GRHL3: variants seen among roughly 807,000 people sequenced by gnomAD.
The protein encoded by GRHL3 is grainyhead like transcription factor 3.
A neutral mutation model predicts 70.3 loss-of-function variants in GRHL3; 20 were observed. The ratio of observed to expected loss-of-function variants is 0.28; its 90% CI spans 0.20 to 0.41. The LOEUF is 0.41. GRHL3 is among the 10% of genes least tolerant of loss of function. The pLI is 1.00. For synonymous variants in GRHL3, 299 were observed against 299.9 expected (o/e 1.00, Z 0.03); for missense variants, 637 against 762.3 (o/e 0.84, Z 1.94).
rs376956450 is a variant in GRHL3 at position 24,360,938 on chromosome 1, G to A, written c.1695-3247G>A. 46 of 1,613,910 alleles carry A rather than the reference G, an allele frequency of 2.9e-5. No homozygotes were observed. The highest frequency in any genetic ancestry group is 1.3e-4 in the East Asian group (6 of 44,898). On this transcript the variant is annotated intron_variant, in intron 15 of 15. Transcript: ENST00000350501. ...GATGCACTAGAGATGAAATGCTTGCGGGGGCCTAAGTAGTCCACGATCTCA... is the reference window on the plus strand; with the variant it reads ...GATGCACTAGAGATGAAATGCTTGCAGGGGCCTAAGTAGTCCACGATCTCA...
At chr1:24,335,227 G>T (rs1210345464) in intron 3 of GRHL3, among the ~76,000 whole-genome samples, 1 of 152,172 alleles carries the variant, frequency 6.6e-6, no homozygotes, top group Admixed American at 6.5e-5. Context: ...ACCTGTGTTG[G>T]GGGAGGGAGA....
In GRHL3 at chr1:24,331,180, C is replaced by T. The variant is rs1052777695; in HGVS notation, c.18-246C>T. Among the ~76,000 whole-genome samples, 7 of 152,296 alleles carry T rather than the reference C, an allele frequency of 4.6e-5. No homozygotes were observed. In the South Asian group the frequency reaches 1.2e-3, roughly 27 times the overall value. On this transcript the variant is annotated intron_variant, in intron 1 of 15. Transcript: ENST00000361548. Reference sequence around the variant, plus strand: ...GTAGTCTTGAAGATCAGGATGATGGCCTTCATGCTGTGGAAGAGGGAACTA... The same window carrying T: ...GTAGTCTTGAAGATCAGGATGATGGTCTTCATGCTGTGGAAGAGGGAACTA...
intron 15 of GRHL3, among the ~76,000 whole-genome samples, chr1:24,361,330 G>C (rs1310982287): frequency 6.6e-6 from 1 of 152,206 alleles, no homozygotes; most frequent in Non-Finnish European, 1.5e-5. Flanking sequence ...CACACAGTGA[G>C]AGCTCAGTGT....
At chr1:24,352,378 C>G (rs1640548657) in intron 15 of GRHL3, among the ~76,000 whole-genome samples, 1 of 152,184 alleles carries the variant, frequency 6.6e-6, no homozygotes, top group Non-Finnish European at 1.5e-5. Flanking sequence ...ATTGTTTTTG[C>G]TGGCAGCTGG....
At chr1:24,330,956 T>C (rs1401085123) in intron 1 of GRHL3, among the ~76,000 whole-genome samples, 2 of 152,250 alleles carry the variant, frequency 1.3e-5, no homozygotes, top group Admixed American at 6.5e-5. Flanking sequence ...TAGACCACGC[T>C]TTCTCCCAGA....
chr1:24,363,578 A>G (rs1187399024), intron 15 of GRHL3, among the ~76,000 whole-genome samples: 1 of 152,242 alleles, frequency 6.6e-6, no homozygotes, highest in Non-Finnish European at 1.5e-5. Context: ...CCTCATCTGT[A>G]AAACAGTGGA....
At chr1:24,358,307 C>T (rs1298875720), downstream of GRHL3, 4 of 675,388 alleles carry the variant, frequency 5.9e-6, no homozygotes, top group Non-Finnish European at 1.1e-5. Flanking sequence ...CTCCCTTCTG[C>T]TCAGGAAGCC....
intron 14 of GRHL3, among the ~76,000 whole-genome samples, chr1:24,348,163 T>G (rs1309471800): frequency 6.6e-6 from 1 of 152,108 alleles, no homozygotes; most frequent in Admixed American, 6.5e-5. Context: ...GTGTCAAGAT[T>G]TCAGGCTGGC....
At chr1:24,319,634 G>C in intron 1 of GRHL3, 66 bp downstream of exon 1, 2 of 1,612,470 alleles carry the variant, frequency 1.2e-6, no homozygotes, top group East Asian at 2.2e-5. Flanking sequence ...TTTCCTGGAG[G>C]GGGAAGAGCG....
At position 24,342,117 on chromosome 1, in the gene GRHL3, G is replaced by A; in HGVS notation, c.1050G>A (p.Val350=). 1 of 1,574,012 alleles carries A rather than the reference G, an allele frequency of 6.4e-7. No individual in the cohort carries two copies. Among genetic ancestry groups the A allele is most frequent in the Non-Finnish European group, 8.6e-7 (1 of 1,157,188 alleles). The change falls in exon 9 of 16, where the codon GTG becomes GTA. Residue 350 remains valine (V), a splice_region_variant and synonymous_variant. Transcript: ENST00000361548. The surrounding 1 kb of genome is among the most constrained non-coding windows in gnomAD (Gnocchi z 4.8). ...FVWNVNEEAK[V]FIGVNCLSTD... ...CCAGCGGCCCCCTCTGTCTCCAGGT[G>A]TTCATCGGCGTAAACTGTCTGAGCA...
chr1:24,329,579 C>T (rs910660895), intron 1 of GRHL3, among the ~76,000 whole-genome samples: 20 of 152,208 alleles, frequency 1.3e-4, no homozygotes, highest in African/African-American at 4.6e-4. Context: ...GACATTTTCT[C>T]GTTCTCTGCA....
chr1:24,334,708 T>G lies in GRHL3; in HGVS notation c.266+2T>G. 1 of 1,609,642 alleles carries G rather than the reference T, an allele frequency of 6.2e-7. No individual in the cohort carries two copies. ...GGGCAGGAATGACCAAGGAAAGAGG[T>G]GAGGCTTGCCAACACCCTCTGCCTC... On this transcript the variant is annotated splice_donor_variant, in intron 3 of 15. Transcript: ENST00000361548. LOFTEE classifies it high-confidence loss of function. The surrounding 1 kb of genome is among the most constrained non-coding windows in gnomAD (Gnocchi z 4.3).
rs1639341729 is a variant in GRHL3 at position 24,325,053 on chromosome 1, GA to G, written c.17+5486del. 2.7e-5 allele frequency among the ~76,000 whole-genome samples: 4 copies of G among 148,216 alleles called. No homozygotes were observed. In the South Asian group the frequency reaches 8.5e-4, roughly 31 times the overall value. On this transcript the variant is annotated intron_variant, in intron 1 of 15. Transcript: ENST00000361548. ...GCTGACTGGAAAATGATTCCTCTGT[GA>G]GCAGTTGTGTCAGGGCCTCCCTGTG...
At chr1:24,332,771 C>A (rs1436192448) in intron 2 of GRHL3, among the ~76,000 whole-genome samples, 1 of 152,232 alleles carries the variant, frequency 6.6e-6, no homozygotes. Context: ...TCCACTCTAC[C>A]TCAAGAATAA....
rs193250996 is a variant in GRHL3, at chr1:24,341,125, G to A, written c.1048-990G>A. Among the ~76,000 whole-genome samples the A allele has an allele frequency of 5.5e-4, 84 of 152,250 alleles. 1 individual carries two copies. In the East Asian group the frequency reaches 0.014, roughly 26 times the overall value. On this transcript the variant is annotated intron_variant, in intron 8 of 15. Coordinates refer to ENST00000361548, the MANE Select transcript of GRHL3 (RefSeq NM_198173.3). Reference sequence around the variant, plus strand: ...AAAGACCAGGGGCCAGCCTGCGTCGGGGGGACCGGGGTTCCCATGGAGCCC... The same window carrying A: ...AAAGACCAGGGGCCAGCCTGCGTCGAGGGGACCGGGGTTCCCATGGAGCCC...
downstream of GRHL3, chr1:24,358,028 G>A (rs1640834443): frequency 1.5e-4 from 52 of 356,386 alleles, no homozygotes; most frequent in South Asian, 1.0e-3. Context: ...CTGCCTGCAG[G>A]TAGCTTTCGC....
At chr1:24,359,268 T>C (rs756296909), downstream of GRHL3, among the ~76,000 whole-genome samples, 14 of 152,352 alleles carry the variant, frequency 9.2e-5, no homozygotes, top group Non-Finnish European at 1.6e-4. The surrounding 1 kb of genome is among the most constrained non-coding windows in gnomAD (Gnocchi z 5.3). Flanking sequence ...CGGCAGGAGC[T>C]GCCTGTCTCT....
rs762188891 is a variant in GRHL3, at chr1:24,342,810, C to T, written c.1285+38C>T. The T allele has an allele frequency of 2.7e-5, 44 of 1,613,380 alleles. No homozygotes were observed. The highest frequency in any genetic ancestry group is 3.5e-5 in the Non-Finnish European group (41 of 1,179,492). On this transcript the variant is annotated intron_variant, in intron 10 of 15. Transcript: ENST00000361548. This position sits in a 1 kb window ranked among gnomAD's most constrained non-coding sequence, Gnocchi z 4.8. ...CCAGGGCCTGGGTGGGCTCGGCTGG[C>T]GTGAAGGGGAGAAGGAGACCAGAGG...
intron 12 of GRHL3, 59 bp downstream of exon 12, chr1:24,344,990 CCCCCTCCACACCTGT>C (rs1640194524): frequency 4.7e-5 from 24 of 511,538 alleles, no homozygotes; most frequent in African/African-American, 8.1e-5. Flanking sequence ...CACACCTGTG[CCCCCTCCACACCTGT>C]GCCTCCGCCA....
Sources: gnomAD v4.1 joint callset for allele counts (sites outside exome capture counted in the v4.1 genomes callset) on GRCh38, gnomAD v4.1.1 for gene constraint, Gnocchi (gnomAD v3.1) non-coding constraint, MANE v1.5 for transcripts, NCBI Gene and HGNC (gene_info 2026-07-23, HGNC 2026-07-21) for gene names.